The following SNTG1 variants were observed in gnomAD, a reference collection of about 807,000 sequenced individuals.
The protein encoded by SNTG1 is syntrophin gamma 1.
In SNTG1, 39 loss-of-function variants were observed where a neutral mutation model predicts 74.7. The observed-to-expected ratio is 0.52, with a 90% CI of 0.40 to 0.68. The LOEUF (loss-of-function observed/expected upper bound fraction) is 0.68, where lower values mean the gene tolerates loss of function less well. Ranked by LOEUF, SNTG1 falls within the 30% of genes least tolerant of loss-of-function variation. The pLI is 0.00. For missense variants in SNTG1, 685 were observed against 609.5 expected, an observed-to-expected ratio of 1.12 and a Z score of -1.30; for synonymous variants, 254 against 217.1, an observed-to-expected ratio of 1.17 and a Z score of -1.49.
intron 9 of SNTG1, among the ~76,000 whole-genome samples, chr8:50,513,213 G>A (rs2094100032): frequency 6.6e-6 from 1 of 152,208 alleles, no homozygotes; most frequent in African/African-American, 2.4e-5. Context: ...TATCAGCAGT[G>A]GAGGCTGCAG....
intron 2 of SNTG1, among the ~76,000 whole-genome samples, chr8:50,326,124 C>T (rs1378491235): frequency 2.0e-5 from 3 of 151,898 alleles, no homozygotes; most frequent in African/African-American, 7.2e-5. Flanking sequence ...ATTTTATTTG[C>T]TGTCATTTTG....
chr8:50,618,313 T>G (rs2094898518), intron 13 of SNTG1, among the ~76,000 whole-genome samples: 1 of 152,242 alleles, frequency 6.6e-6, no homozygotes, highest in Admixed American at 6.5e-5. Context: ...GCAATTTTAC[T>G]TTCTACGTTT....
At chr8:50,766,618 A>G (rs533219234) in intron 18 of SNTG1, among the ~76,000 whole-genome samples, 10 of 152,046 alleles carry the variant, frequency 6.6e-5, no homozygotes, top group African/African-American at 2.2e-4. Flanking sequence ...GAAGCAAATA[A>G]TATTTACCAC....
At chr8:49,910,712 G>A (rs1805534595), upstream of SNTG1, among the ~76,000 whole-genome samples, 1 of 152,088 alleles carries the variant, frequency 6.6e-6, no homozygotes, top group Non-Finnish European at 1.5e-5. Flanking sequence ...GGAGTAGGGA[G>A]GCGAGGGGGC....
At chr8:50,331,212 CAT>C (rs1333312220) in intron 2 of SNTG1, among the ~76,000 whole-genome samples, 2 of 152,070 alleles carry the variant, frequency 1.3e-5, no homozygotes, top group East Asian at 1.9e-4. Flanking sequence ...TGGGCAGACA[CAT>C]GTGGTACGCT....
intron 17 of SNTG1, among the ~76,000 whole-genome samples, chr8:50,749,254 G>C (rs749741379): frequency 8.7e-4 from 133 of 152,106 alleles, no homozygotes; most frequent in Non-Finnish European, 1.4e-3. Context: ...TAATCCAGGG[G>C]AAGGCTCTCT....
At chr8:50,455,262 A>G (rs1395032210) in intron 8 of SNTG1, among the ~76,000 whole-genome samples, 1 of 152,220 alleles carries the variant, frequency 6.6e-6, no homozygotes, top group African/African-American at 2.4e-5. Flanking sequence ...AGCAAGATGG[A>G]TGCATAGCTG....
At position 50,651,222 on chromosome 8, in the gene SNTG1, C is replaced by CT. The variant is rs1266798319; in HGVS notation, c.850-5678dup. 4.2e-3 allele frequency among the ~76,000 whole-genome samples: 628 copies of CT among 149,114 alleles called. 4 individuals carry two copies. Among genetic ancestry groups the CT allele is most frequent in the African/African-American group, 0.011 (430 of 40,540 alleles). The stretch of plus-strand genomic sequence containing the variant: ...CATTAGTGCCTGCATCCAATACTTC[C>CT]TTTTTTTTTGTTTTATTTTGGCTTT... On this transcript the variant is annotated intron_variant, in intron 13 of 18. Coordinates refer to ENST00000642720, the MANE Select transcript of SNTG1 (RefSeq NM_018967.5).
chr8:50,214,758 G>T (rs2084696298), intron 2 of SNTG1, among the ~76,000 whole-genome samples: 1 of 152,048 alleles, frequency 6.6e-6, no homozygotes, highest in Non-Finnish European at 1.5e-5. Flanking sequence ...CCACCCTAGG[G>T]TTGGACACTT....
At chr8:50,362,120 T>C (rs957760533) in intron 2 of SNTG1, among the ~76,000 whole-genome samples, 1 of 152,112 alleles carries the variant, frequency 6.6e-6, no homozygotes, top group Non-Finnish European at 1.5e-5. Flanking sequence ...TATATTTGTA[T>C]AGAAAATCAC....
At chr8:49,912,498 A>AT (rs1805665215) in intron 1 of SNTG1, among the ~76,000 whole-genome samples, 2 of 151,906 alleles carry the variant, frequency 1.3e-5, no homozygotes, top group South Asian at 2.1e-4. Context: ...TATCTTGTTT[A>AT]TTTTTTCCCA....
At chr8:50,454,266 G>T (rs1013027227) in intron 8 of SNTG1, among the ~76,000 whole-genome samples, 6 of 152,082 alleles carry the variant, frequency 3.9e-5, no homozygotes, top group African/African-American at 1.4e-4. Flanking sequence ...GGAGGCCGAG[G>T]TGGGCAGATC....
intron 1 of SNTG1, among the ~76,000 whole-genome samples, chr8:50,084,082 A>G (rs534695518): frequency 1.3e-5 from 2 of 152,336 alleles, no homozygotes; most frequent in Non-Finnish European, 2.9e-5. Context: ...TCCAAAAGCC[A>G]TCTCTAAAAG....
intron 15 of SNTG1, among the ~76,000 whole-genome samples, chr8:50,670,482 C>A (rs369578042): frequency 6.6e-6 from 1 of 151,094 alleles, no homozygotes; most frequent in Non-Finnish European, 1.5e-5. Flanking sequence ...ATCCAACTTA[C>A]AAGGGATGTG....
At chr8:50,505,531 T>G (rs1306770645) in intron 9 of SNTG1, among the ~76,000 whole-genome samples, 1 of 152,156 alleles carries the variant, frequency 6.6e-6, no homozygotes, top group Non-Finnish European at 1.5e-5. Flanking sequence ...TTGTTTTGGT[T>G]TTGATAGTGG....
At chr8:50,141,507 A>G (rs2081655928) in intron 1 of SNTG1, among the ~76,000 whole-genome samples, 1 of 152,202 alleles carries the variant, frequency 6.6e-6, no homozygotes, top group Non-Finnish European at 1.5e-5. Flanking sequence ...GCAATGAGAG[A>G]TATGAATATG....
chr8:50,691,952 T>G (rs1265967603), intron 15 of SNTG1, among the ~76,000 whole-genome samples: 1 of 152,154 alleles, frequency 6.6e-6, no homozygotes, highest in Non-Finnish European at 1.5e-5. Context: ...TCATTTCTTT[T>G]TATTCTTTTT....
chr8:50,504,434 A>C (rs2093989621), intron 9 of SNTG1, among the ~76,000 whole-genome samples: 1 of 152,194 alleles, frequency 6.6e-6, no homozygotes, highest in Admixed American at 6.5e-5. Flanking sequence ...ATTTTATTAC[A>C]ATAAGTACTT....
intron 17 of SNTG1, among the ~76,000 whole-genome samples, chr8:50,725,175 T>C (rs2095497017): frequency 6.6e-6 from 1 of 152,208 alleles, no homozygotes; most frequent in South Asian, 2.1e-4. Context: ...GATCAACTTA[T>C]TTGGGCGACG....
Sources: gnomAD v4.1 joint callset for allele counts (sites outside exome capture counted in the v4.1 genomes callset) on GRCh38, gnomAD v4.1.1 for gene constraint, MANE v1.5 for transcripts, NCBI Gene and HGNC (gene_info 2026-07-23, HGNC 2026-07-21) for gene names.